Variants in SMYD3 observed in about 807,000 individuals in gnomAD.
SMYD3 encodes the protein histone-lysine N-methyltransferase SMYD3.
In SMYD3, 36 loss-of-function variants were observed where a neutral mutation model predicts 57.7. The observed-to-expected ratio is 0.62, with a 90% CI of 0.48 to 0.82. SMYD3 has a LOEUF of 0.82. SMYD3 is among the 40% of genes least tolerant of loss of function. The pLI is 0.00. For synonymous variants in SMYD3, 211 were observed against 195.0 expected (o/e 1.08, Z -0.68); for missense variants, 515 against 538.8 (o/e 0.96, Z 0.44).
At chr1:245,765,958 C>T (rs1021812712) in intron 10 of SMYD3, among the ~76,000 whole-genome samples, 1 of 152,166 alleles carries the variant, frequency 6.6e-6, no homozygotes, top group African/African-American at 2.4e-5. Flanking sequence ...CACATATCTG[C>T]AAACCATTCC....
intron 5 of SMYD3, among the ~76,000 whole-genome samples, chr1:245,932,361 C>T (rs2056771064): frequency 6.6e-6 from 1 of 152,180 alleles, no homozygotes; most frequent in Admixed American, 6.5e-5. Flanking sequence ...CTTGTCTCTT[C>T]CACTGGGAAA....
chr1:246,467,520 C>T (rs192218240), intron 1 of SMYD3, among the ~76,000 whole-genome samples: 2 of 152,160 alleles, frequency 1.3e-5, no homozygotes, highest in East Asian at 3.9e-4. Context: ...GGAGCTATTA[C>T]AATGGAAATA....
At chr1:245,967,289 C>CA (rs1010296605) in intron 5 of SMYD3, among the ~76,000 whole-genome samples, 5 of 152,018 alleles carry the variant, frequency 3.3e-5, no homozygotes, top group Admixed American at 2.0e-4. Flanking sequence ...CTGAATGTTT[C>CA]AAAAAAGTAT....
At chr1:246,031,805 G>A (rs1304513235) in intron 5 of SMYD3, among the ~76,000 whole-genome samples, 1 of 151,652 alleles carries the variant, frequency 6.6e-6, no homozygotes, top group African/African-American at 2.4e-5. Context: ...GATAAAATTA[G>A]GTTGGTTTCA....
intron 10 of SMYD3, among the ~76,000 whole-genome samples, chr1:245,780,927 C>G (rs1178048399): frequency 3.3e-5 from 5 of 152,086 alleles, no homozygotes; most frequent in Non-Finnish European, 7.4e-5. Flanking sequence ...TAAAAAGTAA[C>G]AAAGTACTAA....
Position 246,355,068 on chromosome 1 carries a change from TG to T in SMYD3, c.190del (p.Gln64SerfsTer73). 2 of 1,614,212 alleles carry T rather than the reference TG, an allele frequency of 1.2e-6. No homozygotes were observed. The highest frequency in any genetic ancestry group is 1.7e-6 in the Non-Finnish European group (2 of 1,180,034). On this transcript the variant is annotated frameshift_variant, in exon 2 of 12. Coordinates refer to ENST00000490107, the MANE Select transcript of SMYD3 (RefSeq NM_001167740.2). LOFTEE classifies it high-confidence loss of function. The surrounding 1 kb of genome is among the most constrained non-coding windows in gnomAD (Gnocchi z 5.0). ...LGKEKLMRCS[Q>X]CRVAKYCSAK... Reference sequence around the variant, plus strand: ...ACTACAGTATTTGGCGACGCGGCACTGAGAGCATCGCATCAGCTTTTCCTTC... The same window carrying T: ...ACTACAGTATTTGGCGACGCGGCACTAGAGCATCGCATCAGCTTTTCCTTC...
chr1:246,079,679 T>C (rs2060606807), intron 5 of SMYD3, among the ~76,000 whole-genome samples: 1 of 152,174 alleles, frequency 6.6e-6, no homozygotes, highest in Admixed American at 6.5e-5. Flanking sequence ...AGGAAATCAA[T>C]GAGGCTTAGT....
chr1:245,890,425 C>T (rs1248779491), intron 8 of SMYD3, among the ~76,000 whole-genome samples: 1 of 152,086 alleles, frequency 6.6e-6, no homozygotes, highest in Non-Finnish European at 1.5e-5. Flanking sequence ...GGCAAAAGAT[C>T]TAAATAAACA....
chr1:246,144,186 T>C (rs2061807097), intron 5 of SMYD3, among the ~76,000 whole-genome samples: 1 of 152,196 alleles, frequency 6.6e-6, no homozygotes, highest in African/African-American at 2.4e-5. Flanking sequence ...GGGATGCTGC[T>C]ACCGCCATGT....
At chr1:245,924,910 T>C (rs373695621) in intron 7 of SMYD3, among the ~76,000 whole-genome samples, 75 of 152,050 alleles carry the variant, frequency 4.9e-4, no homozygotes, top group African/African-American at 1.8e-3. Flanking sequence ...GTGATCCACC[T>C]CCCTTAGCCT....
intron 10 of SMYD3, among the ~76,000 whole-genome samples, chr1:245,839,368 A>G (rs1262390239): frequency 6.6e-6 from 1 of 151,664 alleles, no homozygotes; most frequent in Non-Finnish European, 1.5e-5. Context: ...ACGGGGTTTC[A>G]CCGTGTTAGC....
chr1:245,865,460 A>G (rs2051783626), intron 8 of SMYD3, among the ~76,000 whole-genome samples: 1 of 152,206 alleles, frequency 6.6e-6, no homozygotes, highest in Non-Finnish European at 1.5e-5. Context: ...ATCACTGATC[A>G]TACCCAGTTT....
intron 1 of SMYD3, among the ~76,000 whole-genome samples, chr1:246,371,341 T>C (rs992327652): frequency 2.6e-5 from 4 of 152,174 alleles, no homozygotes; most frequent in African/African-American, 9.7e-5. Context: ...GTGACCAAGA[T>C]GAACTGCAGA....
intron 1 of SMYD3, among the ~76,000 whole-genome samples, chr1:246,410,620 G>A (rs2066949478): frequency 6.6e-6 from 1 of 152,034 alleles, no homozygotes; most frequent in Non-Finnish European, 1.5e-5. Context: ...AAGGATATTG[G>A]GTAAAATTCT....
chr1:246,300,631 G>C (rs2064877929), intron 5 of SMYD3, among the ~76,000 whole-genome samples: 2 of 152,094 alleles, frequency 1.3e-5, no homozygotes, highest in African/African-American at 4.8e-5. Flanking sequence ...CTAGGTTAAG[G>C]ATCAGTTCTA....
chr1:246,237,938 G>C (rs1483850109), intron 5 of SMYD3, among the ~76,000 whole-genome samples: 1 of 152,108 alleles, frequency 6.6e-6, no homozygotes, highest in Admixed American at 6.5e-5. Context: ...TTAAAACTAG[G>C]AAAGTAATAC....
intron 5 of SMYD3, among the ~76,000 whole-genome samples, chr1:246,172,222 G>A (rs1049669619): frequency 6.6e-6 from 1 of 151,628 alleles, no homozygotes; most frequent in Non-Finnish European, 1.5e-5. Context: ...GTTCTCTACT[G>A]TAGACTTTAT....
intron 5 of SMYD3, among the ~76,000 whole-genome samples, chr1:246,247,463 CTCTATA>C (rs762619877): frequency 6.6e-5 from 7 of 105,332 alleles, no homozygotes; most frequent in Admixed American, 1.2e-4. Context: ...CTCTCTCTCT[CTCTATA>C]TATATATATA....
intron 5 of SMYD3, among the ~76,000 whole-genome samples, chr1:246,180,348 TTA>T (rs1429572096): frequency 2.2e-5 from 3 of 136,280 alleles, no homozygotes; most frequent in African/African-American, 7.9e-5. Flanking sequence ...TATAAACTAC[TTA>T]TATATATATA....
Sources: gnomAD v4.1 joint callset for allele counts (sites outside exome capture counted in the v4.1 genomes callset) on GRCh38, gnomAD v4.1.1 for gene constraint, Gnocchi (gnomAD v3.1) non-coding constraint, MANE v1.5 for transcripts, NCBI Gene and HGNC (gene_info 2026-07-23, HGNC 2026-07-21) for gene names.